GABPB2: variants seen among roughly 807,000 people sequenced by gnomAD.
GABPB2 encodes the protein GA-binding protein subunit beta-2.
GABPB2 carries 23 observed loss-of-function variants against 39.1 expected under a neutral mutation model. That is an observed-to-expected ratio of 0.59 (90% CI 0.42 to 0.83). The LOEUF (loss-of-function observed/expected upper bound fraction) is 0.83. GABPB2 is among the 40% of genes least tolerant of loss of function. GABPB2 has a pLI of 0.00. For synonymous variants in GABPB2, 184 were observed against 199.3 expected (o/e 0.92, Z 0.65); for missense variants, 467 against 541.1 (o/e 0.86, Z 1.36).
chr1:151,074,046 G>A (rs1484472584), intron 1 of GABPB2, among the ~76,000 whole-genome samples: 1 of 142,504 alleles, frequency 7.0e-6, no homozygotes, highest in South Asian at 2.2e-4. Context: ...GCGCTATCTC[G>A]GCTCGCTGCA....
chr1:151,101,889 T>C (rs925827537), intron 5 of GABPB2, among the ~76,000 whole-genome samples: 21 of 152,356 alleles, frequency 1.4e-4, no homozygotes, highest in Non-Finnish European at 2.6e-4. Context: ...CAAGGAAATA[T>C]CTACAGTTAG....
Position 151,117,399 on chromosome 1 carries a change from T to G in GABPB2, c.930T>G (p.Thr310=). The change falls in exon 8 of 9, where the codon ACT becomes ACG. Residue 310 remains threonine, a synonymous_variant. Transcript: ENST00000368918. ...VTVQDGQQVL[T]VPAGKVAEET... is the part of the protein sequence containing the mutation. ...GTGTCCTTTGACTTGTAGTTCTAAC[T>G]GTACCTGCTGGTAAGGTTGCAGAGG... is the stretch of plus-strand genomic sequence containing the variant. The G allele has an allele frequency of 1.2e-6, 2 of 1,613,760 alleles. No homozygotes were observed. The highest frequency in any genetic ancestry group is 8.5e-7 in the Non-Finnish European group (1 of 1,179,748).
At chr1:151,073,016 T>A (rs908806730) in intron 1 of GABPB2, 4 of 152,256 alleles carry the variant, frequency 2.6e-5, no homozygotes, top group Non-Finnish European at 5.9e-5. Context: ...CTTTTCCATC[T>A]TTTTTTATTT....
At position 151,121,444 on chromosome 1, in the gene GABPB2, CTT is replaced by C. The variant is rs764920505; in HGVS notation, c.*3198_*3199del. On this transcript the variant is annotated 3_prime_UTR_variant, in exon 9 of 9. Coordinates refer to ENST00000368918, the MANE Select transcript of GABPB2 (RefSeq NM_144618.3). ...ACTGCTGGGTTTTCTTTTTCTTTTT[CTT>C]TTTTTTTTTGAGACGGAGTTTCACT... 3.4e-5 allele frequency: 5 copies of C among 148,052 alleles called. No individual in the cohort carries two copies. The highest frequency in any genetic ancestry group is 7.4e-5 in the Non-Finnish European group (5 of 67,188). 9.2% of individuals were successfully genotyped at this position (148,052 alleles called of 1,614,324 possible). A position where few individuals can be genotyped will look rare whatever the true frequency, so the allele number is the denominator to read the frequency against.
intron 1 of GABPB2, among the ~76,000 whole-genome samples, chr1:151,084,842 A>G (rs187798783): frequency 6.7e-4 from 102 of 151,880 alleles, no homozygotes; most frequent in African/African-American, 2.3e-3. Flanking sequence ...CCAGCTGTTC[A>G]TTTTTAAAAA....
chr1:151,083,046 A>G (rs1677861961), intron 1 of GABPB2, among the ~76,000 whole-genome samples: 1 of 151,904 alleles, frequency 6.6e-6, no homozygotes. Context: ...GAATTTTTCT[A>G]TTCTGTAACC....
At chr1:151,108,426 C>T (rs1680137402) in intron 7 of GABPB2, among the ~76,000 whole-genome samples, 1 of 152,178 alleles carries the variant, frequency 6.6e-6, no homozygotes, top group Admixed American at 6.5e-5. Context: ...CCCGCCTAAG[C>T]CTCCCAGAGT....
chr1:151,122,558 C>T lies in GABPB2; in HGVS notation c.*4302C>T, dbSNP rs940143146. ...CTTTAATCCCTCTTCCCCCACACCT[C>T]GCCCATTAAGGGGAAGGAGGTTAAC... On this transcript the variant is annotated 3_prime_UTR_variant, in exon 9 of 9. Coordinates refer to ENST00000368918, the MANE Select transcript of GABPB2 (RefSeq NM_144618.3). The T allele has an allele frequency of 1.3e-5, 2 of 152,036 alleles. No individual in the cohort carries two copies. The highest frequency in any genetic ancestry group is 4.8e-5 in the African/African-American group (2 of 41,364). 9.4% of individuals were successfully genotyped at this position (152,036 alleles called of 1,614,324 possible). A position where few individuals can be genotyped will look rare whatever the true frequency, so the allele number is the denominator to read the frequency against.
chr1:151,108,512 TTG>T (rs1046325009), intron 7 of GABPB2, among the ~76,000 whole-genome samples: 1 of 152,018 alleles, frequency 6.6e-6, no homozygotes, highest in Non-Finnish European at 1.5e-5. Context: ...TTTTTCTTTT[TTG>T]TGTGTGTAAC....
chr1:151,101,373 G>A (rs1341580684), intron 5 of GABPB2, among the ~76,000 whole-genome samples: 1 of 151,900 alleles, frequency 6.6e-6, no homozygotes, highest in Non-Finnish European at 1.5e-5. Context: ...TCAGGAGTTC[G>A]AGACCAGCCT....
intron 1 of GABPB2, among the ~76,000 whole-genome samples, chr1:151,074,797 T>C (rs1246354378): frequency 1.3e-5 from 2 of 152,138 alleles, no homozygotes; most frequent in African/African-American, 4.8e-5. Flanking sequence ...TGGCCTGTTT[T>C]ATCAGCAAAG....
In GABPB2 at chr1:151,097,943, C is replaced by T. The variant is rs774480090; in HGVS notation, c.563C>T (p.Ser188Leu). 196 of 1,613,918 alleles carry T rather than the reference C, an allele frequency of 1.2e-4. 3 individuals are homozygous for T. In the South Asian group the frequency reaches 2.0e-3, roughly 16 times the overall value. ...ATGGCTGCTCCATTCATCTTCACGT[C>T]GGGTGAGGTTGTTAACCTCGCAAGC... Reference protein sequence around the residue: ...VSMAAPFIFTSGEVVNLASLI... With the variant: ...VSMAAPFIFTLGEVVNLASLI... The change falls in exon 5 of 9, where the codon TCG (serine) becomes TTG (leucine). Residue 188 changes from serine to leucine, a missense_variant. By Grantham distance (145) the Ser-to-Leu change is moderately radical (BLOSUM62 -2). Transcript: ENST00000368918.
At chr1:151,093,079 G>T (rs1205683104) in intron 3 of GABPB2, 113 bp from the exon 4 acceptor site, 2 of 769,448 alleles carry the variant, frequency 2.6e-6, no homozygotes, top group Non-Finnish European at 4.0e-6. Context: ...CCTTAAATGT[G>T]ATCTAGATTT....
rs1033698215 is a variant in GABPB2, at chr1:151,070,792, G to C, written c.-143G>C. On this transcript the variant is annotated 5_prime_UTR_variant, in exon 1 of 9. Coordinates refer to ENST00000368918, the MANE Select transcript of GABPB2 (RefSeq NM_144618.3). ...TTGTTGCCTCTGTTTCTCCACGAGG[G>C]GGGGTTAAAGGCCCCCAAAACATGC... The C allele has an allele frequency of 1.3e-5, 2 of 152,258 alleles. No individual in the cohort carries two copies. Among genetic ancestry groups the C allele is most frequent in the Non-Finnish European group, 2.9e-5 (2 of 68,014 alleles). The allele number at this position is 152,258 out of a possible 1,614,324, so 9.4% of individuals were successfully genotyped here.
intron 2 of GABPB2, 189 bp downstream of exon 2, chr1:151,088,486 T>A: frequency 7.6e-7 from 1 of 1,323,698 alleles, no homozygotes; most frequent in Admixed American, 2.3e-5. Context: ...AAATTGAGAG[T>A]CTCCTGTGGA....
At chr1:151,082,079 T>C (rs1457525388) in intron 1 of GABPB2, among the ~76,000 whole-genome samples, 5 of 148,576 alleles carry the variant, frequency 3.4e-5, no homozygotes, top group Non-Finnish European at 6.0e-5. Flanking sequence ...TCTTTTTCTT[T>C]TTTTTTTTTT....
intron 5 of GABPB2, among the ~76,000 whole-genome samples, chr1:151,099,514 T>C (rs933066047): frequency 1.3e-5 from 2 of 152,208 alleles, no homozygotes; most frequent in African/African-American, 4.8e-5. Flanking sequence ...AGCATCTCCT[T>C]TTATAAATAT....
At chr1:151,088,111 GTCT>G (rs1678354100) in intron 1 of GABPB2, 76 bp from the exon 2 acceptor site, 2 of 952,342 alleles carry the variant, frequency 2.1e-6, no homozygotes, top group South Asian at 1.4e-5. Flanking sequence ...AATATAAGAA[GTCT>G]TCTAAAAAAT....
intron 1 of GABPB2, among the ~76,000 whole-genome samples, chr1:151,080,661 A>G (rs1677602668): frequency 6.6e-6 from 1 of 150,838 alleles, no homozygotes; most frequent in South Asian, 2.1e-4. Flanking sequence ...CAGCCTGGCC[A>G]AGATGGTGAA....
Sources: allele counts gnomAD v4.1 joint callset (sites outside exome capture counted in the v4.1 genomes callset), GRCh38; gene constraint gnomAD v4.1.1; transcripts MANE v1.5; gene names NCBI Gene and HGNC (gene_info 2026-07-23, HGNC 2026-07-21).